Variants in SCYL2 observed in about 807,000 individuals in gnomAD.
SCYL2 encodes the protein SCY1-like protein 2.
SCYL2 carries 36 observed loss-of-function variants against 100.4 expected under a neutral mutation model. The ratio of observed to expected loss-of-function variants is 0.36; its 90% confidence interval spans 0.27 to 0.47. SCYL2 has a LOEUF of 0.47. Ranked by LOEUF, SCYL2 falls within the 20% of genes least tolerant of loss-of-function variation. The pLI, the probability that SCYL2 is intolerant of heterozygous loss-of-function variation, is 1.00. For synonymous variants in SCYL2, 330 were observed against 359.2 expected, an observed-to-expected ratio of 0.92 and a Z score of 0.92; for missense variants, 902 against 1,083.9, an observed-to-expected ratio of 0.83 and a Z score of 2.36.
chr12:100,274,530 C>G (rs1037591237), intron 1 of SCYL2, among the ~76,000 whole-genome samples: 12 of 152,156 alleles, frequency 7.9e-5, no homozygotes, highest in African/African-American at 2.9e-4. Flanking sequence ...AAGCAAGGTA[C>G]AGCCTCCTTT....
At chr12:100,312,282 T>A (rs2135901344) in intron 5 of SCYL2, 150 bp from the exon 6 acceptor site, 1 of 667,068 alleles carries the variant, frequency 1.5e-6, no homozygotes, top group East Asian at 2.7e-5. Flanking sequence ...TGGACTTTTT[T>A]ACATTTGGGA....
At chr12:100,273,666 C>G (rs758195905) in intron 1 of SCYL2, among the ~76,000 whole-genome samples, 2 of 152,164 alleles carry the variant, frequency 1.3e-5, no homozygotes, top group African/African-American at 2.4e-5. Context: ...AGTTTGCAGA[C>G]CACACCATAG....
intron 9 of SCYL2, 117 bp from the exon 10 acceptor site, chr12:100,317,686 C>T (rs973665377): frequency 7.0e-7 from 1 of 1,426,290 alleles, no homozygotes; most frequent in Non-Finnish European, 9.2e-7. Flanking sequence ...TTCAGGCTAG[C>T]AACATGGTGA....
chr12:100,320,688 C>G (rs1048946791), intron 10 of SCYL2, among the ~76,000 whole-genome samples: 2 of 152,148 alleles, frequency 1.3e-5, no homozygotes, highest in Non-Finnish European at 2.9e-5. Context: ...TTTGTAACCT[C>G]CTGCTATGAC....
chr12:100,310,592 A>G (rs1470392360), intron 4 of SCYL2, among the ~76,000 whole-genome samples: 1 of 152,228 alleles, frequency 6.6e-6, no homozygotes, highest in Non-Finnish European at 1.5e-5. Context: ...CACTGTGAGA[A>G]TAAGTGAACT....
In SCYL2 at chr12:100,326,699, A is replaced by C. The variant is rs1174276388; in HGVS notation, c.1587A>C (p.Leu529=). Reference sequence around the variant, plus strand: ...AGTGGTTTGTACTTGATGATATCCTACCCTTCTTACAACAAATTCCATCCA... The same window carrying C: ...AGTGGTTTGTACTTGATGATATCCTCCCCTTCTTACAACAAATTCCATCCA... ...LDKWFVLDDI[L]PFLQQIPSKE... is the part of the protein sequence containing the mutation. Residue 529 remains leucine, a synonymous_variant, in exon 12 of 18, where the codon CTA becomes CTC. Coordinates refer to ENST00000360820, the MANE Select transcript of SCYL2 (RefSeq NM_017988.6). 1 of 1,611,552 alleles carries C rather than the reference A, an allele frequency of 6.2e-7. No homozygotes were observed. Among genetic ancestry groups the C allele is most frequent in the African/African-American group, 1.3e-5 (1 of 74,874 alleles).
chr12:100,314,067 G>A (rs2096345549), intron 7 of SCYL2, among the ~76,000 whole-genome samples: 1 of 152,084 alleles, frequency 6.6e-6, no homozygotes, highest in South Asian at 2.1e-4. Context: ...TTTTGGTAGA[G>A]ACAGTGTTTC....
At chr12:100,300,451 T>A (rs968963903) in intron 4 of SCYL2, among the ~76,000 whole-genome samples, 2 of 152,198 alleles carry the variant, frequency 1.3e-5, no homozygotes, top group Non-Finnish European at 2.9e-5. Context: ...TCATGGAAAA[T>A]GGGGCATCCA....
intron 1 of SCYL2, among the ~76,000 whole-genome samples, chr12:100,269,813 T>C (rs966192240): frequency 1.7e-4 from 26 of 152,184 alleles, no homozygotes; most frequent in African/African-American, 5.8e-4. Flanking sequence ...GATACAGATA[T>C]ACTTCACCTT....
intron 11 of SCYL2, among the ~76,000 whole-genome samples, chr12:100,326,012 G>A (rs536438873): frequency 6.6e-6 from 1 of 152,044 alleles, no homozygotes; most frequent in South Asian, 2.1e-4. Context: ...TAATACTATA[G>A]TCCTGACTTA....
intron 2 of SCYL2, among the ~76,000 whole-genome samples, chr12:100,289,245 T>C (rs1000479668): frequency 3.3e-5 from 5 of 152,224 alleles, no homozygotes; most frequent in African/African-American, 1.2e-4. Context: ...CCTAAATGAC[T>C]GATTTCTTTC....
At chr12:100,293,862 C>T (rs182713808) in intron 3 of SCYL2, among the ~76,000 whole-genome samples, 13 of 152,280 alleles carry the variant, frequency 8.5e-5, no homozygotes, top group Admixed American at 6.5e-5. Context: ...CACAGATCAA[C>T]GGGATCCCAA....
intron 11 of SCYL2, among the ~76,000 whole-genome samples, chr12:100,325,507 A>C (rs540059209): frequency 1.5e-3 from 233 of 152,322 alleles, no homozygotes; most frequent in Non-Finnish European, 2.9e-3. Context: ...TCAGAGTGGC[A>C]AATAGGAATT....
intron 13 of SCYL2, among the ~76,000 whole-genome samples, chr12:100,331,490 C>G (rs1952207914): frequency 6.6e-6 from 1 of 151,982 alleles, no homozygotes; most frequent in Admixed American, 6.5e-5. Flanking sequence ...GCCTGTAGTC[C>G]CAGCTACCAG....
At chr12:100,302,352 G>A (rs926100073) in intron 4 of SCYL2, among the ~76,000 whole-genome samples, 1 of 152,124 alleles carries the variant, frequency 6.6e-6, no homozygotes, top group African/African-American at 2.4e-5. Context: ...CATAGAAATT[G>A]CAGTGCTTTA....
chr12:100,271,624 G>C (rs2096287814), intron 1 of SCYL2, among the ~76,000 whole-genome samples: 1 of 152,068 alleles, frequency 6.6e-6, no homozygotes, highest in Non-Finnish European at 1.5e-5. Context: ...TGTGCTTTTT[G>C]AAAGTCTAGT....
chr12:100,284,834 G>T (rs1170849724), intron 2 of SCYL2, among the ~76,000 whole-genome samples: 1 of 152,042 alleles, frequency 6.6e-6, no homozygotes, highest in African/African-American at 2.4e-5. Context: ...TGGAATCTCA[G>T]CAGGGATGCT....
intron 4 of SCYL2, among the ~76,000 whole-genome samples, chr12:100,307,646 G>A (rs1196266879): frequency 6.6e-6 from 1 of 152,132 alleles, no homozygotes; most frequent in Non-Finnish European, 1.5e-5. Context: ...TGAGAAGTGG[G>A]ATCTAATTAA....
At chr12:100,328,282 A>T (rs1952161986) in intron 12 of SCYL2, among the ~76,000 whole-genome samples, 1 of 152,032 alleles carries the variant, frequency 6.6e-6, no homozygotes, top group Non-Finnish European at 1.5e-5. Flanking sequence ...TGTCTTAAAA[A>T]AAAAGTCTTT....
Sources: allele counts gnomAD v4.1 joint callset (sites outside exome capture counted in the v4.1 genomes callset), GRCh38; gene constraint gnomAD v4.1.1; transcripts MANE v1.5; gene names NCBI Gene and HGNC (gene_info 2026-07-23, HGNC 2026-07-21).